The following TOPBP1 variants were observed in gnomAD, a reference collection of about 807,000 sequenced individuals.
The protein encoded by TOPBP1 is DNA topoisomerase 2-binding protein 1.
In TOPBP1, 28 loss-of-function variants were observed where a neutral mutation model predicts 167.7. That is an observed-to-expected ratio of 0.17 (90% confidence interval 0.12 to 0.23). The LOEUF (loss-of-function observed/expected upper bound fraction) is 0.23, where lower values mean the gene tolerates loss of function less well. TOPBP1 is among the 10% of genes least tolerant of loss of function. The probability of loss-of-function intolerance (pLI) is 1.00; values close to 1 mark genes in which losing one functional copy is unlikely to be tolerated. For synonymous variants in TOPBP1, 598 were observed against 611.4 expected, an observed-to-expected ratio of 0.98 and a Z score of 0.32; for missense variants, 1,554 against 1,809.6, an observed-to-expected ratio of 0.86 and a Z score of 2.56.
At chr3:133,658,923 A>G in intron 3 of TOPBP1, 93 bp downstream of exon 3, 2 of 1,344,138 alleles carry the variant, frequency 1.5e-6, no homozygotes, top group South Asian at 1.7e-5. Flanking sequence ...TAAGTTGCAT[A>G]GTACTTTATA....
chr3:133,636,719 CTT>C (rs1021174416), intron 14 of TOPBP1, among the ~76,000 whole-genome samples: 6 of 152,108 alleles, frequency 3.9e-5, no homozygotes, highest in Non-Finnish European at 5.9e-5. Flanking sequence ...AGCTATGACA[CTT>C]TAGAGATCAT....
chr3:133,635,799 C>T (rs556117728), intron 14 of TOPBP1, among the ~76,000 whole-genome samples: 1 of 152,214 alleles, frequency 6.6e-6, no homozygotes, highest in Non-Finnish European at 1.5e-5. Context: ...TAGTAACACA[C>T]ACACATAGAC....
At position 133,612,539 on chromosome 3, in the gene TOPBP1, T is replaced by C; in HGVS notation, c.3885A>G (p.Ile1295Met). Residue 1295 changes from isoleucine to methionine, a missense_variant, in exon 24 of 28, where the codon ATA (isoleucine) becomes ATG (methionine). Ile to Met is a conservative substitution (Grantham distance 10). Transcript: ENST00000260810. ...HLIEKLGGLV[I>M]EKQCFDPTCT... ...AGGTGGGATCAAAGCACTGCTTTTC[T>C]ATCACCAATCCACCTTAAGCAGAGA... 2 of 1,613,224 alleles carry C rather than the reference T, an allele frequency of 1.2e-6. No individual in the cohort carries two copies. The highest frequency in any genetic ancestry group is 1.7e-6 in the Non-Finnish European group (2 of 1,179,486).
Position 133,603,815 on chromosome 3 carries a change from A to G in TOPBP1, c.4426-2422T>C, listed in dbSNP as rs376335931. Reference sequence around the variant, plus strand: ...ACCCACATACACAGAAAATCTGATCAACATTATCAACCATATTAACCTATT... The same window carrying G: ...ACCCACATACACAGAAAATCTGATCGACATTATCAACCATATTAACCTATT... On this transcript the variant is annotated intron_variant, in intron 27 of 27. Coordinates refer to ENST00000260810, the MANE Select transcript of TOPBP1 (RefSeq NM_007027.4). 5.3e-5 allele frequency among the ~76,000 whole-genome samples: 8 copies of G among 152,114 alleles called. 1 individual carries two copies. The highest frequency in any genetic ancestry group is 1.9e-4 in the East Asian group (1 of 5,190).
At chr3:133,653,588 A>G in intron 6 of TOPBP1, 64 bp from the exon 7 acceptor site, 1 of 1,333,246 alleles carries the variant, frequency 7.5e-7, no homozygotes, top group South Asian at 1.7e-5. Context: ...AAACCATTAC[A>G]ATCTATCTTT....
At chr3:133,644,945 C>A (rs1400750712) in intron 10 of TOPBP1, among the ~76,000 whole-genome samples, 1 of 152,154 alleles carries the variant, frequency 6.6e-6, no homozygotes, top group Non-Finnish European at 1.5e-5. Context: ...ATGTAATGCT[C>A]ACATAATGCT....
chr3:133,643,384 A>G lies in TOPBP1; in HGVS notation c.1849-12T>C. On this transcript the variant is annotated splice_polypyrimidine_tract_variant and intron_variant, in intron 11 of 27. Transcript: ENST00000260810. ...TCTATGCAAGTAACCTTTTAAAAAC[A>G]AAAGAAATAGTAAAGCCAACCTGAA... 6.4e-7 allele frequency: 1 copy of G among 1,557,568 alleles called. No homozygotes were observed. The highest frequency in any genetic ancestry group is 8.6e-7 in the Non-Finnish European group (1 of 1,157,082).
chr3:133,609,536 T>C (rs1019844783), intron 25 of TOPBP1, among the ~76,000 whole-genome samples: 1 of 152,174 alleles, frequency 6.6e-6, no homozygotes, highest in African/African-American at 2.4e-5. Context: ...GTAATCCGAA[T>C]GATAATCTCC....
intron 17 of TOPBP1, 70 bp downstream of exon 17, chr3:133,623,982 T>C: frequency 6.6e-7 from 1 of 1,510,060 alleles, no homozygotes; most frequent in Non-Finnish European, 8.9e-7. Flanking sequence ...ACTCTTGAGT[T>C]AGTGCTCTGA....
At chr3:133,642,757 T>A (rs1250805813) in intron 12 of TOPBP1, among the ~76,000 whole-genome samples, 1 of 152,206 alleles carries the variant, frequency 6.6e-6, no homozygotes, top group Non-Finnish European at 1.5e-5. Context: ...TGTTGAAACA[T>A]CTTTATAAAG....
At chr3:133,609,042 G>T in intron 25 of TOPBP1, 80 bp from the exon 26 acceptor site, 1 of 1,136,744 alleles carries the variant, frequency 8.8e-7, no homozygotes, top group Non-Finnish European at 1.3e-6. Context: ...TTTATCTGTA[G>T]ACTTAGTTTT....
chr3:133,611,086 T>C lies in TOPBP1; in HGVS notation c.4091A>G (p.Asn1364Ser), dbSNP rs1934660639. The C allele has an allele frequency of 6.2e-7, 1 of 1,613,456 alleles. No individual in the cohort carries two copies. The highest frequency in any genetic ancestry group is 1.3e-5 in the African/African-American group (1 of 75,048). ...AAGTGCTAGTCTTCGTTGCTGTACA[T>C]TGATTCCAGTCAGAACATCAAGTAT... Reference protein sequence around the residue: ...SSILDVLTGINVQQRRLALAA... With the variant: ...SSILDVLTGISVQQRRLALAA... Residue 1364 changes from asparagine (N) to serine (S), a missense_variant, in exon 25 of 28, where the codon AAT becomes AGT. Around this residue, in one of 3 missense-constraint regions of TOPBP1, gnomAD observed 351 missense variants for 432.9 expected, o/e 0.81. Coordinates refer to ENST00000260810, the MANE Select transcript of TOPBP1 (RefSeq NM_007027.4).
chr3:133,601,199 C>T lies in TOPBP1; in HGVS notation c.*51G>A, dbSNP rs1934281935. On this transcript the variant is annotated 3_prime_UTR_variant, in exon 28 of 28. Transcript: ENST00000260810. ...CAAATCTATCACAGTCACATTCAGG[C>T]TTTCAATTTTTAAAAACATTTAATG... 6.6e-7 allele frequency: 1 copy of T among 1,506,210 alleles called. No individual in the cohort carries two copies. Among genetic ancestry groups the T allele is most frequent in the Admixed American group, 2.2e-5 (1 of 44,994 alleles). The allele number at this position is 1,506,210 out of a possible 1,614,324, so 93.3% of individuals were successfully genotyped here. A position where few individuals can be genotyped will look rare whatever the true frequency, so the allele number is the denominator to read the frequency against.
intron 27 of TOPBP1, among the ~76,000 whole-genome samples, chr3:133,601,814 T>C (rs1354432605): frequency 6.6e-6 from 1 of 152,168 alleles, no homozygotes; most frequent in Non-Finnish European, 1.5e-5. Flanking sequence ...ATGGATCTTT[T>C]CCTCCTTATT....
At chr3:133,638,868 G>C (rs1935769607) in intron 13 of TOPBP1, among the ~76,000 whole-genome samples, 1 of 152,164 alleles carries the variant, frequency 6.6e-6, no homozygotes, top group Non-Finnish European at 1.5e-5. Context: ...GAATTCACAA[G>C]ACATGCATGT....
intron 14 of TOPBP1, among the ~76,000 whole-genome samples, chr3:133,634,401 C>T (rs1260550758): frequency 1.3e-5 from 2 of 151,984 alleles, no homozygotes; most frequent in Non-Finnish European, 1.5e-5. Context: ...CCCAGCTACT[C>T]GGGAGGCTGA....
At position 133,623,357 on chromosome 3, in the gene TOPBP1, C is replaced by T. The variant is rs1328590804; in HGVS notation, c.3029G>A (p.Cys1010Tyr). The T allele has an allele frequency of 6.2e-7, 1 of 1,613,560 alleles. No homozygotes were observed. Among genetic ancestry groups the T allele is most frequent in the Non-Finnish European group, 8.5e-7 (1 of 1,179,716 alleles). The change falls in exon 18 of 28, where the codon TGT becomes TAT. Residue 1010 changes from cysteine to tyrosine, a missense_variant. Physicochemically the swap from Cys to Tyr is radical, Grantham distance 194. Around this residue, in one of 3 missense-constraint regions of TOPBP1, gnomAD observed 1,197 missense variants for 1,351.5 expected, o/e 0.89. Transcript: ENST00000260810. ...CACAGCTGAGAGTAGTCGACTATTA[C>T]AGAGCCGGCCATCTTGCACTGCGCT... The part of the protein sequence containing the change: ...DISAVQDGRL[C>Y]NSRLLSAVSS...
intron 14 of TOPBP1, 114 bp from the exon 15 acceptor site, chr3:133,628,847 A>AGG: frequency 9.5e-7 from 1 of 1,054,966 alleles, no homozygotes; most frequent in Non-Finnish European, 1.3e-6. Context: ...AAGAGAGAGA[A>AGG]GGGGGAGAAT....
At position 133,640,034 on chromosome 3, in the gene TOPBP1, A is replaced by G. The variant is rs1476792370; in HGVS notation, c.2158T>C (p.Trp720Arg). The stretch of plus-strand genomic sequence containing the variant: ...CCCGTTCTAGCAGTCTCCAACAGCC[A>G]AGCTATAGTAACGGCAGGTAAATTC... ...KWNLPAVTIAWLLETARTGKR... is the reference protein window; with the variant it reads ...KWNLPAVTIARLLETARTGKR... Residue 720 changes from tryptophan (W) to arginine (R), a missense_variant, in exon 13 of 28, where the codon TGG becomes CGG. By Grantham distance (101) the Trp-to-Arg change is moderately radical. Coordinates refer to ENST00000260810, the MANE Select transcript of TOPBP1 (RefSeq NM_007027.4). 6.2e-7 allele frequency: 1 copy of G among 1,613,938 alleles called. No individual in the cohort carries two copies. The highest frequency in any genetic ancestry group is 8.5e-7 in the Non-Finnish European group (1 of 1,179,860).
Sources: gnomAD v4.1 joint callset for allele counts (sites outside exome capture counted in the v4.1 genomes callset) on GRCh38, gnomAD v4.1.1 for gene constraint, gnomAD v4.1.1 regional missense constraint, MANE v1.5 for transcripts, NCBI Gene and HGNC (gene_info 2026-07-23, HGNC 2026-07-21) for gene names.